The following ZBTB20 variants were observed in gnomAD, a reference collection of about 807,000 sequenced individuals.
ZBTB20 encodes zinc finger and BTB domain containing 20.
ZBTB20 carries 9 observed loss-of-function variants against 56.9 expected under a neutral mutation model. That is an observed-to-expected ratio of 0.16 (90% CI 0.10 to 0.28). The LOEUF is 0.28. Ranked by LOEUF, ZBTB20 falls within the 10% of genes least tolerant of loss-of-function variation. The pLI, the probability that ZBTB20 is intolerant of heterozygous loss-of-function variation, is 1.00. For synonymous variants in ZBTB20, 417 were observed against 420.7 expected (o/e 0.99, Z 0.11); for missense variants, 655 against 1,003.0 (o/e 0.65, Z 4.69).
At chr3:115,090,564 G>C (rs775481856) in intron 1 of ZBTB20, among the ~76,000 whole-genome samples, 3 of 151,742 alleles carry the variant, frequency 2.0e-5, no homozygotes, top group Non-Finnish European at 4.4e-5. Flanking sequence ...CACCAGCACA[G>C]AAAAGTATAT....
chr3:115,060,111 T>C (rs938976499), intron 2 of ZBTB20, among the ~76,000 whole-genome samples: 4 of 152,176 alleles, frequency 2.6e-5, no homozygotes, highest in Admixed American at 2.6e-4. Context: ...ATGCTTAACT[T>C]TGTATCATTA....
chr3:114,960,625 T>C (rs182869440), intron 3 of ZBTB20, among the ~76,000 whole-genome samples: 1 of 152,350 alleles, frequency 6.6e-6, no homozygotes, highest in African/African-American at 2.4e-5. Flanking sequence ...ACTGTTCACA[T>C]AAATGTGGCC....
intron 6 of ZBTB20, among the ~76,000 whole-genome samples, chr3:114,522,632 G>A (rs2046773308): frequency 6.6e-6 from 1 of 152,168 alleles, no homozygotes; most frequent in Admixed American, 6.5e-5. Flanking sequence ...AATGATAGTT[G>A]CTTGGATTAG....
chr3:115,063,495 A>G (rs949958080), intron 2 of ZBTB20, among the ~76,000 whole-genome samples: 2 of 152,180 alleles, frequency 1.3e-5, no homozygotes, highest in African/African-American at 4.8e-5. Flanking sequence ...CCCCACCTTC[A>G]TGGCCTAATT....
chr3:114,694,477 C>A (rs1453703310), intron 5 of ZBTB20, among the ~76,000 whole-genome samples: 1 of 151,764 alleles, frequency 6.6e-6, no homozygotes, highest in Admixed American at 6.6e-5. Flanking sequence ...TTACTTTAAG[C>A]CAAAATGGAT....
chr3:114,458,797 T>C (rs2092178686), intron 7 of ZBTB20, among the ~76,000 whole-genome samples: 1 of 151,950 alleles, frequency 6.6e-6, no homozygotes, highest in African/African-American at 2.4e-5. Context: ...GGACAACATA[T>C]CCTAATTTAA....
chr3:114,800,790 T>A (rs2071647882), intron 5 of ZBTB20, among the ~76,000 whole-genome samples: 1 of 145,376 alleles, frequency 6.9e-6, no homozygotes, highest in South Asian at 2.1e-4. Flanking sequence ...TAAAATAAAA[T>A]AAAATAAAAA....
rs374604598 is a variant in ZBTB20, at chr3:114,404,959, G to A, written c.-254-15854C>T. 1.2e-4 allele frequency among the ~76,000 whole-genome samples: 19 copies of A among 152,116 alleles called. No individual in the cohort carries two copies. The South Asian group carries it at 3.9e-3, about 32-fold the overall frequency. On this transcript the variant is annotated intron_variant, in intron 7 of 11. Coordinates refer to ENST00000675478, the MANE Select transcript of ZBTB20 (RefSeq NM_001348800.3). ...TTGACCCAACTTAGTTTGACCCAGC[G>A]AAAATTTTCATGGATAGCAAGTGAA...
intron 2 of ZBTB20, among the ~76,000 whole-genome samples, chr3:114,975,454 G>C (rs1363438806): frequency 1.3e-5 from 2 of 151,994 alleles, no homozygotes; most frequent in African/African-American, 2.4e-5. Context: ...AAAATCTGAG[G>C]ATTTTAATTG....
intron 7 of ZBTB20, among the ~76,000 whole-genome samples, chr3:114,423,857 G>A (rs2089411218): frequency 6.6e-6 from 1 of 152,200 alleles, no homozygotes; most frequent in African/African-American, 2.4e-5. Context: ...GATCTGTAGA[G>A]CTTATCTTGA....
intron 6 of ZBTB20, among the ~76,000 whole-genome samples, chr3:114,641,305 A>T (rs1188428706): frequency 1.3e-5 from 2 of 151,990 alleles, no homozygotes; most frequent in Non-Finnish European, 2.9e-5. Flanking sequence ...CTACATGGAC[A>T]TTGATGGCCT....
At chr3:114,962,557 G>A (rs369839955) in intron 3 of ZBTB20, among the ~76,000 whole-genome samples, 71 of 152,152 alleles carry the variant, frequency 4.7e-4, no homozygotes, top group South Asian at 1.2e-3. Flanking sequence ...CCCCCTTGGG[G>A]CAGCAGTATA....
intron 1 of ZBTB20, among the ~76,000 whole-genome samples, chr3:115,092,677 A>C (rs9851136): frequency 0.14 from 21,565 of 151,900 alleles, 2,110 homozygotes; most frequent in East Asian, 0.58. Context: ...AGTGGAGAGG[A>C]GTGGAGCCAT....
At chr3:114,751,772 A>G (rs945396366) in intron 5 of ZBTB20, among the ~76,000 whole-genome samples, 1 of 152,132 alleles carries the variant, frequency 6.6e-6, no homozygotes, top group Non-Finnish European at 1.5e-5. Context: ...TTCTATCTAG[A>G]AACAGAAATT....
chr3:114,994,966 C>T (rs995743846), intron 2 of ZBTB20, among the ~76,000 whole-genome samples: 5 of 151,936 alleles, frequency 3.3e-5, no homozygotes, highest in African/African-American at 9.6e-5. Context: ...TACAGGAGTG[C>T]CTTGGAACAT....
chr3:115,142,990 A>G (rs2084860835), intron 1 of ZBTB20, among the ~76,000 whole-genome samples: 1 of 152,220 alleles, frequency 6.6e-6, no homozygotes, highest in Non-Finnish European at 1.5e-5. Context: ...CTAACAAAGT[A>G]AGACTCACCA....
intron 6 of ZBTB20, among the ~76,000 whole-genome samples, chr3:114,681,689 C>T (rs1411213680): frequency 6.6e-6 from 1 of 152,126 alleles, no homozygotes; most frequent in East Asian, 1.9e-4. Context: ...ACTACTGTTC[C>T]TAACATTTTG....
chr3:114,993,795 T>C (rs2078917766), intron 2 of ZBTB20, among the ~76,000 whole-genome samples: 1 of 151,850 alleles, frequency 6.6e-6, no homozygotes, highest in Non-Finnish European at 1.5e-5. Flanking sequence ...TAAATGCATA[T>C]ATTAGATTTT....
intron 2 of ZBTB20, among the ~76,000 whole-genome samples, chr3:115,029,143 T>A (rs2080556794): frequency 6.6e-6 from 1 of 150,492 alleles, no homozygotes; most frequent in Non-Finnish European, 1.5e-5. Flanking sequence ...TTACCAATGA[T>A]AAAAAATAAA....
Sources: gnomAD v4.1 joint callset for allele counts (sites outside exome capture counted in the v4.1 genomes callset) on GRCh38, gnomAD v4.1.1 for gene constraint, MANE v1.5 for transcripts, NCBI Gene and HGNC (gene_info 2026-07-23, HGNC 2026-07-21) for gene names.